PARD3B: variants seen among roughly 807,000 people sequenced by gnomAD.
PARD3B encodes par-3 family cell polarity regulator beta, also known as partitioning defective 3 homolog B.
PARD3B carries 103 observed loss-of-function variants against 130.2 expected under a neutral mutation model. The ratio of observed to expected loss-of-function variants is 0.79; its 90% CI spans 0.67 to 0.93. The LOEUF (loss-of-function observed/expected upper bound fraction) is 0.93, where lower values mean the gene tolerates loss of function less well. PARD3B is among the 40% of genes least tolerant of loss of function. PARD3B has a pLI of 0.00. For missense variants in PARD3B, 1,609 were observed against 1,499.2 expected, an observed-to-expected ratio of 1.07 and a Z score of -1.21; for synonymous variants, 583 against 553.2, an observed-to-expected ratio of 1.05 and a Z score of -0.76.
intron 2 of PARD3B, among the ~76,000 whole-genome samples, chr2:204,911,954 A>G (rs1359398543): frequency 6.6e-6 from 1 of 152,040 alleles, no homozygotes; most frequent in Non-Finnish European, 1.5e-5. Context: ...AATATACTTA[A>G]ATAATGTTTC....
intron 2 of PARD3B, among the ~76,000 whole-genome samples, chr2:204,808,810 T>C (rs966151034): frequency 6.6e-6 from 1 of 152,226 alleles, no homozygotes; most frequent in African/African-American, 2.4e-5. Flanking sequence ...AATGTGTCTT[T>C]ATGGTAGAAT....
In PARD3B at chr2:205,462,552, G is replaced by A. The variant is rs144326897; in HGVS notation, c.3044+21880G>A. On this transcript the variant is annotated intron_variant, in intron 20 of 22. Coordinates refer to ENST00000406610, the MANE Select transcript of PARD3B (RefSeq NM_001302769.2). The stretch of plus-strand genomic sequence containing the variant: ...AGTTCACATTGTGATTTTGAAAACA[G>A]CCTGCTATTTTTCCCATTTTCATGC... Among the ~76,000 whole-genome samples, 692 of 152,230 alleles carry A rather than the reference G, an allele frequency of 4.5e-3. 4 individuals are homozygous for A. Among genetic ancestry groups the A allele is most frequent in the Middle Eastern group, 0.01 (3 of 294 alleles).
chr2:205,611,719 C>T (rs1053220344), intron 22 of PARD3B, among the ~76,000 whole-genome samples: 8 of 152,054 alleles, frequency 5.3e-5, no homozygotes, highest in African/African-American at 1.7e-4. Flanking sequence ...GCCCCCTCTA[C>T]GAGTTGTAAA....
rs139519647 is a variant in PARD3B, at chr2:205,225,193, A to G, written c.2141-20585A>G. Among the ~76,000 whole-genome samples the G allele has an allele frequency of 1.8e-3, 281 of 152,314 alleles. 1 individual carries two copies. The highest frequency in any genetic ancestry group is 6.4e-3 in the African/African-American group (265 of 41,570). On this transcript the variant is annotated intron_variant, in intron 15 of 22. Transcript: ENST00000406610. The stretch of plus-strand genomic sequence containing the variant: ...TTAAGGAACCTCCAAACCATTTTCC[A>G]TAATAGTTGTACTAATTTACATTCC...
chr2:204,762,894 G>C (rs945676911), intron 2 of PARD3B, among the ~76,000 whole-genome samples: 1 of 151,760 alleles, frequency 6.6e-6, no homozygotes, highest in Non-Finnish European at 1.5e-5. Context: ...CCTAGTAGCT[G>C]GGATTATAGG....
intron 15 of PARD3B, among the ~76,000 whole-genome samples, chr2:205,217,806 G>A (rs989058261): frequency 2.1e-4 from 14 of 66,424 alleles, no homozygotes; most frequent in Non-Finnish European, 3.6e-4. Context: ...GTATATATGT[G>A]TGTATATATG....
intron 2 of PARD3B, among the ~76,000 whole-genome samples, chr2:204,853,199 C>T (rs2044780672): frequency 6.6e-6 from 1 of 151,962 alleles, no homozygotes; most frequent in African/African-American, 2.4e-5. Context: ...ATTTGATAAA[C>T]ATATGTTCCA....
rs992068904 is a variant in PARD3B at position 205,116,550 on chromosome 2, G to C, written c.681-2371G>C. Among the ~76,000 whole-genome samples the C allele has an allele frequency of 6.6e-6, 1 of 152,164 alleles. No individual in the cohort carries two copies. Among genetic ancestry groups the C allele is most frequent in the South Asian group, 2.1e-4 (1 of 4,832 alleles). ...TTCATTAATGCAAATTAACTGGTTA[G>C]TCTCGGCCTATAACTCCTCGACAGC... On this transcript the variant is annotated intron_variant, in intron 6 of 22. Transcript: ENST00000406610. This position sits in a 1 kb window ranked among gnomAD's most constrained non-coding sequence, Gnocchi z 4.5.
At chr2:204,638,228 C>T (rs1225021844) in intron 1 of PARD3B, among the ~76,000 whole-genome samples, 3 of 152,168 alleles carry the variant, frequency 2.0e-5, no homozygotes, top group African/African-American at 7.2e-5. Flanking sequence ...AGTTAGGAAC[C>T]TACTGAGTAT....
chr2:205,035,794 A>ATC, intron 3 of PARD3B, among the ~76,000 whole-genome samples: 1 of 93,836 alleles, frequency 1.1e-5, no homozygotes, highest in Non-Finnish European at 2.1e-5. Flanking sequence ...TCAGAGATAT[A>ATC]TCTCATATAT....
intron 5 of PARD3B, among the ~76,000 whole-genome samples, chr2:205,110,566 C>T (rs1205037259): frequency 1.3e-5 from 2 of 151,244 alleles, no homozygotes; most frequent in African/African-American, 4.8e-5. Flanking sequence ...GTAAAATTTT[C>T]CCACTTTTCT....
chr2:204,748,370 T>C (rs1191425921), intron 2 of PARD3B, among the ~76,000 whole-genome samples: 1 of 152,168 alleles, frequency 6.6e-6, no homozygotes, highest in Non-Finnish European at 1.5e-5. Context: ...GGATTAGGGC[T>C]CATATCCAGA....
At chr2:204,817,122 G>A (rs922840544) in intron 2 of PARD3B, among the ~76,000 whole-genome samples, 1 of 151,958 alleles carries the variant, frequency 6.6e-6, no homozygotes, top group Non-Finnish European at 1.5e-5. Context: ...TGAACTTACA[G>A]ATTATTTGTA....
At chr2:204,743,435 G>A (rs1289736340) in intron 2 of PARD3B, among the ~76,000 whole-genome samples, 3 of 152,044 alleles carry the variant, frequency 2.0e-5, no homozygotes, top group African/African-American at 7.3e-5. Flanking sequence ...AACTAGTATA[G>A]AGGACATGTA....
intron 2 of PARD3B, among the ~76,000 whole-genome samples, chr2:204,747,471 A>G (rs866388404): frequency 3.3e-5 from 5 of 152,234 alleles, no homozygotes; most frequent in South Asian, 2.1e-4. Context: ...GCTCATGGAT[A>G]GGAAGAATCA....
chr2:205,483,940 T>G (rs186676321), intron 20 of PARD3B, among the ~76,000 whole-genome samples: 9 of 152,292 alleles, frequency 5.9e-5, no homozygotes, highest in Non-Finnish European at 8.8e-5. Context: ...ATATGGAATG[T>G]ACAACATAAC....
At chr2:204,783,385 C>A (rs188699704) in intron 2 of PARD3B, among the ~76,000 whole-genome samples, 1 of 151,996 alleles carries the variant, frequency 6.6e-6, no homozygotes, top group Admixed American at 6.6e-5. Flanking sequence ...TCTTTAAAGT[C>A]GGTTCTTTTC....
intron 2 of PARD3B, among the ~76,000 whole-genome samples, chr2:204,779,264 C>T (rs747404684): frequency 5.3e-5 from 8 of 152,102 alleles, no homozygotes; most frequent in African/African-American, 1.7e-4. Flanking sequence ...TAGCTCCATG[C>T]GAACAGGGAT....
chr2:205,454,280 T>A (rs1434279617), intron 20 of PARD3B, among the ~76,000 whole-genome samples: 2 of 152,174 alleles, frequency 1.3e-5, no homozygotes, highest in Non-Finnish European at 2.9e-5. Context: ...GCCCTCCTTA[T>A]AATTTTTGTA....
Sources: gnomAD v4.1 joint callset for allele counts (sites outside exome capture counted in the v4.1 genomes callset) on GRCh38, gnomAD v4.1.1 for gene constraint, Gnocchi (gnomAD v3.1) non-coding constraint, MANE v1.5 for transcripts, NCBI Gene and HGNC (gene_info 2026-07-23, HGNC 2026-07-21) for gene names.